Variants in IP6K3 observed in about 807,000 individuals in gnomAD.
IP6K3 encodes the protein inositol hexakisphosphate kinase 3.
In IP6K3, 20 loss-of-function variants were observed where a neutral mutation model predicts 28.8. The ratio of observed to expected loss-of-function variants is 0.70; its 90% CI spans 0.49 to 1.01. The LOEUF (loss-of-function observed/expected upper bound fraction) is 1.01, where lower values mean the gene tolerates loss of function less well. IP6K3 is among the 50% of genes least tolerant of loss of function. IP6K3 has a pLI of 0.00. For synonymous variants in IP6K3, 213 were observed against 221.3 expected, an observed-to-expected ratio of 0.96 and a Z score of 0.33; for missense variants, 480 against 537.1, an observed-to-expected ratio of 0.89 and a Z score of 1.05.
intron 5 of IP6K3, among the ~76,000 whole-genome samples, chr6:33,723,578 GA>G (rs1765992668): frequency 6.6e-6 from 1 of 152,174 alleles, no homozygotes; most frequent in African/African-American, 2.4e-5. Flanking sequence ...GCTTTAATAG[GA>G]ATCTGAAATC....
chr6:33,729,626 A>G (rs1185174369), intron 2 of IP6K3, among the ~76,000 whole-genome samples: 3 of 151,948 alleles, frequency 2.0e-5, no homozygotes, highest in East Asian at 3.9e-4. Context: ...ACAGCTTTCC[A>G]GTGTTGCTGG....
At chr6:33,730,841 C>T (rs933824978) in intron 2 of IP6K3, among the ~76,000 whole-genome samples, 1 of 152,168 alleles carries the variant, frequency 6.6e-6, no homozygotes, top group East Asian at 1.9e-4. Context: ...GGTGTTGTCA[C>T]GCTGTTTACC....
chr6:33,725,683 C>T, intron 4 of IP6K3, 67 bp from the exon 5 acceptor site: 1 of 1,477,254 alleles, frequency 6.8e-7, no homozygotes. Context: ...AGGTCGTTTG[C>T]ATGCCTCAGA....
chr6:33,758,745 C>T, the IP6K3 span, among the ~76,000 whole-genome samples: 10 of 152,180 alleles, frequency 6.6e-5, no homozygotes, highest in South Asian at 6.2e-4. Context: ...ATTACAGGTG[C>T]GTGCCACCAC....
At position 33,722,663 on chromosome 6, in the gene IP6K3, A is replaced by T; in HGVS notation, c.*57T>A. ...GGGTGTCTGGACTACCCTAGCAACC[A>T]ACAGGTCTCTATTTGAGATCTATAG... On this transcript the variant is annotated 3_prime_UTR_variant, in exon 6 of 6. Coordinates refer to ENST00000293756, the MANE Select transcript of IP6K3 (RefSeq NM_054111.5). 4.0e-6 allele frequency: 5 copies of T among 1,242,260 alleles called. No homozygotes were observed. Among genetic ancestry groups the T allele is most frequent in the Non-Finnish European group, 5.7e-6 (5 of 872,858 alleles). The allele number at this position is 1,242,260 out of a possible 1,614,324, so 77.0% of individuals were successfully genotyped here.
In IP6K3 at chr6:33,722,623, A is replaced by G. The variant is rs1765942275; in HGVS notation, c.*97T>C. The G allele has an allele frequency of 1.3e-6, 1 of 775,122 alleles. No homozygotes were observed. Among genetic ancestry groups the G allele is most frequent in the South Asian group, 1.7e-5 (1 of 58,582 alleles). 48.0% of individuals were successfully genotyped at this position (775,122 alleles called of 1,614,324 possible). ...GTTTTTGAAGGTAGATAGGACTATT[A>G]TGAAGACATCTAAGGGGTGTCTGGA... On this transcript the variant is annotated 3_prime_UTR_variant, in exon 6 of 6. Coordinates refer to ENST00000293756, the MANE Select transcript of IP6K3 (RefSeq NM_054111.5).
intron 1 of IP6K3, among the ~76,000 whole-genome samples, chr6:33,741,179 G>A (rs1299601827): frequency 6.6e-6 from 1 of 152,140 alleles, no homozygotes; most frequent in African/African-American, 2.4e-5. Flanking sequence ...CTGTCAGTAG[G>A]GTCCCTAAGT....
rs140335818 is a variant in IP6K3 at position 33,728,647 on chromosome 6, A to G, written c.200-347T>C. Reference sequence around the variant, plus strand: ...GTGCGCAGTCACACCTCCCAGTCACACCACAGCCAACCCAGCTCTGCCTGA... The same window carrying G: ...GTGCGCAGTCACACCTCCCAGTCACGCCACAGCCAACCCAGCTCTGCCTGA... On this transcript the variant is annotated intron_variant, in intron 2 of 5. Transcript: ENST00000293756. 7.3e-3 allele frequency among the ~76,000 whole-genome samples: 1,115 copies of G among 152,226 alleles called. 13 individuals carry two copies. The highest frequency in any genetic ancestry group is 0.02 in the African/African-American group (839 of 41,538).
chr6:33,731,379 G>A (rs536913043), intron 2 of IP6K3, among the ~76,000 whole-genome samples: 18 of 152,306 alleles, frequency 1.2e-4, no homozygotes, highest in African/African-American at 3.4e-4. Context: ...GACAGGAAGC[G>A]TGACCTTCAC....
At chr6:33,738,662 G>T (rs556727474) in intron 1 of IP6K3, among the ~76,000 whole-genome samples, 1 of 152,192 alleles carries the variant, frequency 6.6e-6, no homozygotes, top group Admixed American at 6.5e-5. Flanking sequence ...GGAAGAGCAG[G>T]GATTTGAACC....
At chr6:33,723,230 TAAAC>T (rs765429034) in intron 5 of IP6K3, 43 bp from the exon 6 acceptor site, 29 of 1,338,080 alleles carry the variant, frequency 2.2e-5, no homozygotes, top group Middle Eastern at 2.4e-4. Context: ...ATTGGAAACT[TAAAC>T]AAATTGTATC....
intron 1 of IP6K3, among the ~76,000 whole-genome samples, chr6:33,741,111 C>T: frequency 6.6e-6 from 1 of 152,256 alleles, no homozygotes; most frequent in East Asian, 1.9e-4. Context: ...AGAGATGTTC[C>T]CCCCATTCTC....
the IP6K3 span, among the ~76,000 whole-genome samples, chr6:33,754,101 G>T: frequency 6.6e-6 from 1 of 152,288 alleles, no homozygotes; most frequent in African/African-American, 2.4e-5. Context: ...GAGCCACCGC[G>T]CCCGGTGGCC....
intron 2 of IP6K3, among the ~76,000 whole-genome samples, chr6:33,729,285 C>T (rs931272139): frequency 6.6e-6 from 1 of 152,236 alleles, no homozygotes; most frequent in Non-Finnish European, 1.5e-5. Flanking sequence ...GGTAGTAGCA[C>T]AGGAGATGGC....
At chr6:33,758,633 T>G in the IP6K3 span, among the ~76,000 whole-genome samples, 1 of 152,200 alleles carries the variant, frequency 6.6e-6, no homozygotes, top group Non-Finnish European at 1.5e-5. Context: ...AGAGTCTCAC[T>G]CTGTTCTCCA....
At chr6:33,723,270 G>A in intron 5 of IP6K3, 83 bp from the exon 6 acceptor site, 1 of 900,574 alleles carries the variant, frequency 1.1e-6, no homozygotes, top group Non-Finnish European at 1.6e-6. Context: ...ATCATAAGCT[G>A]GGATAATATA....
chr6:33,734,082 A>C (rs1766417684), intron 2 of IP6K3, among the ~76,000 whole-genome samples: 1 of 152,062 alleles, frequency 6.6e-6, no homozygotes, highest in Non-Finnish European at 1.5e-5. Flanking sequence ...AGGCGCCTGT[A>C]ATCCCAGTTA....
upstream of IP6K3, among the ~76,000 whole-genome samples, chr6:33,749,737 G>A (rs1317849084): frequency 3.3e-5 from 5 of 151,674 alleles, no homozygotes; most frequent in African/African-American, 9.7e-5. Context: ...GGGGAGGGCC[G>A]GCCCTGCCCT....
At chr6:33,728,349 C>T (rs1766200138) in intron 2 of IP6K3, 49 bp from the exon 3 acceptor site, 1 of 1,557,806 alleles carries the variant, frequency 6.4e-7, no homozygotes, top group Non-Finnish European at 8.8e-7. Flanking sequence ...GAGAGAGCCT[C>T]CACACGGACA....
Sources: gnomAD v4.1 joint callset for allele counts (sites outside exome capture counted in the v4.1 genomes callset) on GRCh38, gnomAD v4.1.1 for gene constraint, MANE v1.5 for transcripts, NCBI Gene and HGNC (gene_info 2026-07-23, HGNC 2026-07-21) for gene names.